The following PILRB variants were observed in gnomAD, a reference collection of about 807,000 sequenced individuals.
PILRB encodes the protein paired immunoglobin like type 2 receptor beta, also known as paired immunoglobulin-like type 2 receptor beta.
In PILRB, 21 loss-of-function variants were observed where a neutral mutation model predicts 20.5. The ratio of observed to expected loss-of-function variants is 1.02; its 90% CI spans 0.72 to 1.47. The LOEUF (loss-of-function observed/expected upper bound fraction) is 1.47, where lower values mean the gene tolerates loss of function less well. PILRB is among the 40% of genes most tolerant of loss of function. PILRB has a pLI of 0.00. For missense variants in PILRB, 253 were observed against 272.1 expected, an observed-to-expected ratio of 0.93 and a Z score of 0.49; for synonymous variants, 133 against 115.1, an observed-to-expected ratio of 1.16 and a Z score of -0.99.
chr7:100,358,213 ACCT>A lies in PILRB; in HGVS notation c.-88_-86del, dbSNP rs1790415694. The A allele has an allele frequency of 6.6e-7, 1 of 1,506,390 alleles. No individual in the cohort carries two copies. The highest frequency in any genetic ancestry group is 9.2e-7 in the Non-Finnish European group (1 of 1,092,554). The allele number at this position is 1,506,390 out of a possible 1,614,324, so 93.3% of individuals were successfully genotyped here. A position where few individuals can be genotyped will look rare whatever the true frequency, so the allele number is the denominator to read the frequency against. On this transcript the variant is annotated 5_prime_UTR_variant, in exon 1 of 4. Transcript: ENST00000609309. ...AGCCTCACCCTGGCTCTCCCCACTCACCTCAGCCCTCAGGCAGCCCCTCCACAG... is the reference window on the plus strand; with the variant it reads ...AGCCTCACCCTGGCTCTCCCCACTCACAGCCCTCAGGCAGCCCCTCCACAG...
intron 2 of PILRB, 100 bp downstream of exon 2, chr7:100,359,179 C>A: frequency 6.5e-7 from 1 of 1,545,854 alleles, no homozygotes; most frequent in Non-Finnish European, 8.9e-7. Flanking sequence ...GGATTGAGAG[C>A]TGTTAGCATT....
At chr7:100,366,234 G>A (rs1027480461) in intron 3 of PILRB, among the ~76,000 whole-genome samples, 11 of 152,192 alleles carry the variant, frequency 7.2e-5, no homozygotes, top group African/African-American at 2.4e-4. Context: ...TTATCACCGC[G>A]TGAGCCACCG....
rs35986051 is a variant in PILRB, at chr7:100,358,816, T to C, written c.191T>C (p.Val64Ala). The change falls in exon 2 of 4, where the codon GTT (valine) becomes GCT (alanine). Residue 64 changes from valine (V) to alanine (A), a missense_variant. Transcript: ENST00000609309. ...SFYYPWELAIVPNVRISWRRG... is the reference protein window; with the variant it reads ...SFYYPWELAIAPNVRISWRRG... The stretch of plus-strand genomic sequence containing the variant: ...TATTACCCCTGGGAGTTAGCCATAG[T>C]TCCCAACGTGAGAATATCCTGGAGA... 0.12 allele frequency: 160,895 copies of C among 1,393,882 alleles called. 23,119 individuals carry two copies. The highest frequency in any genetic ancestry group is 0.14 in the Middle Eastern group (708 of 5,080). The allele number at this position is 1,393,882 out of a possible 1,614,324, so 86.3% of individuals were successfully genotyped here. A position where few individuals can be genotyped will look rare whatever the true frequency, so the allele number is the denominator to read the frequency against.
At chr7:100,366,589 G>A (rs989000543) in intron 3 of PILRB, among the ~76,000 whole-genome samples, 1 of 152,152 alleles carries the variant, frequency 6.6e-6, no homozygotes, top group Non-Finnish European at 1.5e-5. Flanking sequence ...GAGGGGAGGG[G>A]AGGCCTAGAG....
Position 100,367,606 on chromosome 7 carries a change from T to TA in PILRB, c.*230dup, listed in dbSNP as rs1230481726. The TA allele has an allele frequency of 1.0e-5, 6 of 575,834 alleles. No homozygotes were observed. The highest frequency in any genetic ancestry group is 1.9e-5 in the Non-Finnish European group (6 of 320,130). The allele number at this position is 575,834 out of a possible 1,614,324, so 35.7% of individuals were successfully genotyped here. A position where few individuals can be genotyped will look rare whatever the true frequency, so the allele number is the denominator to read the frequency against. Reference sequence around the variant, plus strand: ...TCCAGGAGCATCCACACTGCAATGATATAGGAATGAGGTCTGAACTCCACT... The same window carrying TA: ...TCCAGGAGCATCCACACTGCAATGATAATAGGAATGAGGTCTGAACTCCACT... On this transcript the variant is annotated 3_prime_UTR_variant, in exon 4 of 4. Transcript: ENST00000609309.
intron 2 of PILRB, 87 bp from the exon 3 acceptor site, chr7:100,359,250 C>T: frequency 2.6e-6 from 4 of 1,530,016 alleles, no homozygotes; most frequent in Admixed American, 1.7e-5. Context: ...CCTGAATGTC[C>T]CCAATCTAGA....
chr7:100,364,955 TAAAA>T (rs772197270), intron 3 of PILRB, among the ~76,000 whole-genome samples: 5 of 147,292 alleles, frequency 3.4e-5, no homozygotes, highest in East Asian at 3.9e-4. Context: ...TCCTGTCTAT[TAAAA>T]AAAAAAAGTT....
chr7:100,365,585 G>T (rs1790657877), intron 3 of PILRB, among the ~76,000 whole-genome samples: 1 of 152,152 alleles, frequency 6.6e-6, no homozygotes, highest in African/African-American at 2.4e-5. Context: ...TTGGAAGGCT[G>T]AGGTAGGTGG....
Position 100,358,849 on chromosome 7 carries a change from A to G in PILRB, c.224A>G (p.His75Arg), listed in dbSNP as rs776439740. 5.0e-6 allele frequency: 8 copies of G among 1,613,934 alleles called. No homozygotes were observed. Among genetic ancestry groups the G allele is most frequent in the South Asian group, 1.1e-5 (1 of 91,088 alleles). The change falls in exon 2 of 4, where the codon CAC becomes CGC. Residue 75 changes from histidine to arginine, a missense_variant. Coordinates refer to ENST00000609309, the MANE Select transcript of PILRB (RefSeq NM_178238.4). ...PNVRISWRRG[H>R]FHGQSFYSTR... Reference sequence around the variant, plus strand: ...GTGAGAATATCCTGGAGACGGGGCCACTTCCACGGGCAGTCCTTCTACAGC... The same window carrying G: ...GTGAGAATATCCTGGAGACGGGGCCGCTTCCACGGGCAGTCCTTCTACAGC...
At chr7:100,363,097 C>A (rs1790577762) in intron 3 of PILRB, among the ~76,000 whole-genome samples, 1 of 147,238 alleles carries the variant, frequency 6.8e-6, no homozygotes, top group African/African-American at 2.5e-5. Context: ...AGTTTGAGAC[C>A]ACCCTGGCCA....
chr7:100,358,991 G>A lies in PILRB; in HGVS notation c.366G>A (p.Val122=). 6.2e-7 allele frequency: 1 copy of A among 1,614,188 alleles called. No homozygotes were observed. Among genetic ancestry groups the A allele is most frequent in the Non-Finnish European group, 8.5e-7 (1 of 1,180,038 alleles). Residue 122 remains valine (V), a synonymous_variant, in exon 2 of 4, where the codon GTG becomes GTA. Transcript: ENST00000609309. The stretch of plus-strand genomic sequence containing the variant: ...ACCTGCGGAAGGAGGACCAGTCTGT[G>A]TATTTCTGCCGAGTCGAGCTGGACA... ...ISNLRKEDQS[V]YFCRVELDTR... is the part of the protein sequence containing the mutation.
At chr7:100,359,570 T>C (rs2130097838) in intron 3 of PILRB, 33 bp downstream of exon 3, 1 of 1,583,984 alleles carries the variant, frequency 6.3e-7, no homozygotes, top group East Asian at 2.2e-5. Context: ...CTCCTCAAGC[T>C]TCCCAGCTGG....
At chr7:100,367,313 C>T (rs764192966) in intron 3 of PILRB, 36 bp from the exon 4 acceptor site, 1 of 780,846 alleles carries the variant, frequency 1.3e-6, no homozygotes, top group Admixed American at 1.7e-5. Flanking sequence ...ACTAATAATC[C>T]TGGCCCTGCA....
intron 3 of PILRB, among the ~76,000 whole-genome samples, chr7:100,361,221 C>T (rs1790516520): frequency 6.6e-6 from 1 of 152,144 alleles, no homozygotes; most frequent in Non-Finnish European, 1.5e-5. Flanking sequence ...AGGCTTGAGC[C>T]ACCGCACCCG....
intron 3 of PILRB, among the ~76,000 whole-genome samples, chr7:100,364,845 C>T (rs555557098): frequency 4.0e-5 from 6 of 151,796 alleles, no homozygotes; most frequent in Non-Finnish European, 5.9e-5. Context: ...CCAAGCTACT[C>T]GGGAAGCTGA....
In PILRB at chr7:100,359,650, C is replaced by A; in HGVS notation, c.655+113C>A. ...GCAGACCCTGCTGGCTCCCCTCAAG[C>A]CCACCAAGGCCGACTCTGGCCTGTG... On this transcript the variant is annotated intron_variant, in intron 3 of 3. Transcript: ENST00000609309. 3.4e-6 allele frequency: 3 copies of A among 878,302 alleles called. No homozygotes were observed. The Admixed American group carries it at 6.2e-5, about 18-fold the overall frequency. The allele number at this position is 878,302 out of a possible 1,614,324, so 54.4% of individuals were successfully genotyped here. A position where few individuals can be genotyped will look rare whatever the true frequency, so the allele number is the denominator to read the frequency against.
intron 3 of PILRB, among the ~76,000 whole-genome samples, chr7:100,365,864 G>A (rs944127629): frequency 6.6e-5 from 10 of 151,732 alleles, no homozygotes; most frequent in Admixed American, 5.9e-4. Context: ...AAAATGTTCT[G>A]GAGATCTGTC....
chr7:100,358,389 G>A (rs1446782468), intron 1 of PILRB, 23 bp downstream of exon 1: 2 of 1,610,562 alleles, frequency 1.2e-6, no homozygotes, highest in Non-Finnish European at 8.5e-7. Context: ...GACCGCCCAG[G>A]TATGGTCTCT....
chr7:100,362,633 C>T (rs549643639), intron 3 of PILRB, among the ~76,000 whole-genome samples: 3 of 152,022 alleles, frequency 2.0e-5, no homozygotes, highest in South Asian at 2.1e-4. Context: ...CTCATCCTTT[C>T]GAGGAGCTAG....
Sources: allele counts gnomAD v4.1 joint callset (sites outside exome capture counted in the v4.1 genomes callset), GRCh38; gene constraint gnomAD v4.1.1; transcripts MANE v1.5; gene names NCBI Gene and HGNC (gene_info 2026-07-23, HGNC 2026-07-21).